SEMA6A: variants seen among roughly 807,000 people sequenced by gnomAD.
SEMA6A encodes semaphorin 6A.
In SEMA6A, 25 loss-of-function variants were observed where a neutral mutation model predicts 96.8. The observed-to-expected ratio is 0.26, with a 90% CI of 0.19 to 0.36. The LOEUF is 0.36. Among genes scored for constraint, SEMA6A ranks in the 10% least tolerant of loss-of-function variants. The probability of loss-of-function intolerance (pLI) is 1.00; values close to 1 mark genes in which losing one functional copy is unlikely to be tolerated. For synonymous variants in SEMA6A, 612 were observed against 518.0 expected, an observed-to-expected ratio of 1.18 and a Z score of -2.46; for missense variants, 1,363 against 1,323.1, an observed-to-expected ratio of 1.03 and a Z score of -0.47.
intron 6 of SEMA6A, 35 bp from the exon 7 acceptor site, chr5:116,491,865 A>C (rs1210956839): frequency 3.3e-6 from 5 of 1,512,598 alleles, no homozygotes; most frequent in Non-Finnish European, 4.6e-6. Flanking sequence ...TACAAACAAC[A>C]ACCTTTTCTT....
intron 1 of SEMA6A, among the ~76,000 whole-genome samples, chr5:116,520,642 T>A (rs1318160401): frequency 6.6e-6 from 1 of 152,186 alleles, no homozygotes; most frequent in Non-Finnish European, 1.5e-5. Context: ...AGATGATTTC[T>A]GCTCAAAATA....
intron 7 of SEMA6A, among the ~76,000 whole-genome samples, chr5:116,490,896 T>A (rs1341059580): frequency 2.0e-5 from 3 of 152,204 alleles, no homozygotes; most frequent in Non-Finnish European, 4.4e-5. Flanking sequence ...GGTAATGAAT[T>A]CCTAAATAAA....
At chr5:116,503,552 A>G (rs1054551807) in intron 2 of SEMA6A, among the ~76,000 whole-genome samples, 1 of 150,196 alleles carries the variant, frequency 6.7e-6, no homozygotes, top group African/African-American at 2.5e-5. Context: ...TCGCTCTGTC[A>G]TAAGGCTGGA....
intron 1 of SEMA6A, among the ~76,000 whole-genome samples, chr5:116,557,717 G>A (rs1053567802): frequency 1.3e-5 from 2 of 152,178 alleles, no homozygotes; most frequent in Non-Finnish European, 2.9e-5. Flanking sequence ...AAGAGCACTG[G>A]TGATGTGCAC....
intron 18 of SEMA6A, among the ~76,000 whole-genome samples, chr5:116,452,041 C>G (rs886515953): frequency 2.0e-5 from 3 of 152,002 alleles, no homozygotes; most frequent in Non-Finnish European, 4.4e-5. Context: ...TCCCTTGCTT[C>G]AGATGCTGCC....
At chr5:116,474,581 T>C (rs1756357090) in intron 16 of SEMA6A, among the ~76,000 whole-genome samples, 1 of 152,234 alleles carries the variant, frequency 6.6e-6, no homozygotes, top group Non-Finnish European at 1.5e-5. Context: ...GCCCTCTTTA[T>C]TTGATTATAA....
At chr5:116,486,674 T>G (rs1757064117) in intron 10 of SEMA6A, 75 bp downstream of exon 10, 1 of 1,220,360 alleles carries the variant, frequency 8.2e-7, no homozygotes, top group Non-Finnish European at 1.2e-6. Context: ...CAAATATGGT[T>G]TATTAGAAGA....
intron 1 of SEMA6A, among the ~76,000 whole-genome samples, chr5:116,539,050 T>A (rs983955164): frequency 6.6e-6 from 1 of 152,238 alleles, no homozygotes; most frequent in South Asian, 2.1e-4. Flanking sequence ...AGCAAATTTT[T>A]CTCCATTATA....
At chr5:116,510,147 A>C (rs897232724) in intron 1 of SEMA6A, among the ~76,000 whole-genome samples, 1 of 152,190 alleles carries the variant, frequency 6.6e-6, no homozygotes, top group Admixed American at 6.5e-5. Flanking sequence ...CCAGCATGCT[A>C]TACTGCCTAG....
At chr5:116,524,475 C>T (rs1348413741) in intron 1 of SEMA6A, among the ~76,000 whole-genome samples, 3 of 152,074 alleles carry the variant, frequency 2.0e-5, no homozygotes, top group Non-Finnish European at 4.4e-5. Context: ...TCTCTCTGAC[C>T]ATATCCAGTT....
chr5:116,469,544 A>G (rs2112657434), intron 17 of SEMA6A: 1 of 152,324 alleles, frequency 6.6e-6, no homozygotes, highest in Non-Finnish European at 1.5e-5. Flanking sequence ...AATTAGAAAT[A>G]GCTTTGTAGG....
intron 1 of SEMA6A, among the ~76,000 whole-genome samples, chr5:116,561,479 T>C (rs148609565): frequency 1.3e-5 from 2 of 152,336 alleles, no homozygotes; most frequent in East Asian, 3.9e-4. Flanking sequence ...CAATAAAAGA[T>C]GCAAATACAT....
intron 1 of SEMA6A, among the ~76,000 whole-genome samples, chr5:116,540,010 T>C (rs1422000131): frequency 6.6e-6 from 1 of 152,158 alleles, no homozygotes; most frequent in Non-Finnish European, 1.5e-5. Context: ...TTTCTGTTCG[T>C]TTTCCTTTCA....
At chr5:116,489,658 C>G (rs1375868915) in intron 7 of SEMA6A, among the ~76,000 whole-genome samples, 1 of 152,206 alleles carries the variant, frequency 6.6e-6, no homozygotes, top group Non-Finnish European at 1.5e-5. Context: ...CGAAACACAG[C>G]TTGGCTAAAG....
intron 2 of SEMA6A, among the ~76,000 whole-genome samples, chr5:116,503,581 G>A (rs1398451524): frequency 1.3e-5 from 2 of 150,414 alleles, no homozygotes; most frequent in African/African-American, 2.5e-5. Context: ...GTGTGATCTC[G>A]GCTTACTACA....
chr5:116,503,543 C>G (rs1215617709), intron 2 of SEMA6A, among the ~76,000 whole-genome samples: 1 of 149,686 alleles, frequency 6.7e-6, no homozygotes, highest in Non-Finnish European at 1.5e-5. Flanking sequence ...GACAGAGTCT[C>G]GCTCTGTCAT....
Position 116,472,874 on chromosome 5 carries a change from C to T in SEMA6A, c.1729+199G>A, listed in dbSNP as rs755692423. ...CGAATTTAAAAAAAAAAAAAAAATC[C>T]GTAAACTGACCATACACTGTGTTGT... On this transcript the variant is annotated intron_variant, in intron 17 of 18. Transcript: ENST00000343348. 23 of 1,479,538 alleles carry T rather than the reference C, an allele frequency of 1.6e-5. No individual in the cohort carries two copies. In the Admixed American group the frequency reaches 2.2e-4, roughly 14 times the overall value. 91.7% of individuals were successfully genotyped at this position (1,479,538 alleles called of 1,614,324 possible).
chr5:116,517,091 C>G (rs543469702), intron 1 of SEMA6A, among the ~76,000 whole-genome samples: 2 of 152,078 alleles, frequency 1.3e-5, no homozygotes, highest in Non-Finnish European at 2.9e-5. Flanking sequence ...AAAAACAAAC[C>G]CTGAAAACCA....
At chr5:116,530,376 C>T (rs1159654252) in intron 1 of SEMA6A, among the ~76,000 whole-genome samples, 2 of 152,112 alleles carry the variant, frequency 1.3e-5, no homozygotes, top group Admixed American at 6.6e-5. Context: ...TCTCTTAGCT[C>T]ACTAAAATAT....
Sources: gnomAD v4.1 joint callset for allele counts (sites outside exome capture counted in the v4.1 genomes callset) on GRCh38, gnomAD v4.1.1 for gene constraint, MANE v1.5 for transcripts, NCBI Gene and HGNC (gene_info 2026-07-23, HGNC 2026-07-21) for gene names.